Variants in SPG11 observed in about 807,000 individuals in gnomAD.
SPG11 encodes the protein spatacsin.
Under a neutral mutation model 274.0 loss-of-function variants are expected in SPG11, and 222 were observed. The observed-to-expected ratio is 0.81, with a 90% CI of 0.73 to 0.91. The LOEUF is 0.91. SPG11 is among the 40% of genes least tolerant of loss of function. The pLI, the probability that SPG11 is intolerant of heterozygous loss-of-function variation, is 0.00. For synonymous variants in SPG11, 1,144 were observed against 1,039.7 expected, an observed-to-expected ratio of 1.10 and a Z score of -1.93; for missense variants, 3,114 against 2,872.7, an observed-to-expected ratio of 1.08 and a Z score of -1.92.
In SPG11 at chr15:44,621,912, A is replaced by G; in HGVS notation, c.2467T>C (p.Phe823Leu). The stretch of plus-strand genomic sequence containing the variant: ...TCCAAAACAGACTTGTGCTTGAAAA[A>G]ATCTTGTTCCTTTATCCAGTACCTA... The part of the protein sequence containing the change: ...FPRYWIKEQD[F>L]FKHKSVLDSF... The change falls in exon 14 of 40, where the codon TTT becomes CTT. Residue 823 changes from phenylalanine (F) to leucine (L), a missense_variant. Physicochemically the swap from Phe to Leu is conservative, Grantham distance 22. Transcript: ENST00000261866. The G allele has an allele frequency of 6.2e-7, 1 of 1,613,690 alleles. No homozygotes were observed. The highest frequency in any genetic ancestry group is 8.5e-7 in the Non-Finnish European group (1 of 1,179,856).
chr15:44,663,080 A>G (rs2141136897), intron 1 of SPG11, among the ~76,000 whole-genome samples: 1 of 152,386 alleles, frequency 6.6e-6, no homozygotes, highest in African/African-American at 2.4e-5. Flanking sequence ...TGTGTTGAAT[A>G]ATGAAAGAAT....
At chr15:44,570,896 G>A (rs915175867) in intron 33 of SPG11, among the ~76,000 whole-genome samples, 1 of 152,130 alleles carries the variant, frequency 6.6e-6, no homozygotes, top group Non-Finnish European at 1.5e-5. Flanking sequence ...TGTAGTGACT[G>A]TTTCCCCAAA....
chr15:44,592,630 C>A (rs770089065), intron 26 of SPG11, among the ~76,000 whole-genome samples, 192 bp from the exon 27 acceptor site: 11 of 151,990 alleles, frequency 7.2e-5, no homozygotes, highest in Non-Finnish European at 1.5e-4. Flanking sequence ...ACCACCCTGG[C>A]CAACATGATG....
chr15:44,622,134 T>A, intron 13 of SPG11, 86 bp downstream of exon 13: 7 of 1,463,826 alleles, frequency 4.8e-6, no homozygotes, highest in Non-Finnish European at 5.7e-6. Flanking sequence ...CAGTTCCACA[T>A]AAGAAACTTG....
intron 20 of SPG11, among the ~76,000 whole-genome samples, chr15:44,603,659 A>G (rs1316175492): frequency 6.6e-6 from 1 of 152,212 alleles, no homozygotes; most frequent in African/African-American, 2.4e-5. Context: ...CTTGGTATCC[A>G]TGGGGGATTG....
chr15:44,628,957 C>T, intron 9 of SPG11, 113 bp from the exon 10 acceptor site: 1 of 1,094,886 alleles, frequency 9.1e-7, no homozygotes, highest in South Asian at 1.3e-5. Context: ...TTTTAAATTT[C>T]AAACAATATG....
intron 37 of SPG11, 90 bp from the exon 38 acceptor site, chr15:44,566,099 TC>T (rs2082303096): frequency 6.3e-7 from 1 of 1,595,786 alleles, no homozygotes. Flanking sequence ...CCCCTTCTGT[TC>T]CTGGTTGGCC....
chr15:44,655,791 T>C (rs1262838096), intron 4 of SPG11, among the ~76,000 whole-genome samples: 3 of 152,210 alleles, frequency 2.0e-5, no homozygotes, highest in Non-Finnish European at 2.9e-5. Context: ...AAGGGTCAAC[T>C]GTACTGTTTT....
At position 44,600,229 on chromosome 15, in the gene SPG11, T is replaced by C. The variant is rs574481738; in HGVS notation, c.3686+238A>G. On this transcript the variant is annotated intron_variant, in intron 21 of 39. Coordinates refer to ENST00000261866, the MANE Select transcript of SPG11 (RefSeq NM_025137.4). ...GGTATGTTTCCAGTATGTTTTTCAA[T>C]GTACATGTAAAACATTATACAGATA... 11 of 460,774 alleles carry C rather than the reference T, an allele frequency of 2.4e-5. No homozygotes were observed. In the East Asian group the frequency reaches 3.6e-4, roughly 15 times the overall value. The allele number at this position is 460,774 out of a possible 1,614,324, so 28.5% of individuals were successfully genotyped here. A position where few individuals can be genotyped will look rare whatever the true frequency, so the allele number is the denominator to read the frequency against.
At position 44,629,150 on chromosome 15, in the gene SPG11, T is replaced by C. The variant is rs185166845; in HGVS notation, c.1891+83A>G. 2,011 of 1,473,588 alleles carry C rather than the reference T, an allele frequency of 1.4e-3. 3 individuals carry two copies. Among genetic ancestry groups the C allele is most frequent in the Non-Finnish European group, 1.7e-3 (1,779 of 1,053,166 alleles). 91.3% of individuals were successfully genotyped at this position (1,473,588 alleles called of 1,614,324 possible). A position where few individuals can be genotyped will look rare whatever the true frequency, so the allele number is the denominator to read the frequency against. On this transcript the variant is annotated intron_variant, in intron 9 of 39. Transcript: ENST00000261866. ...TAGTAAATGGCGTGCCACTGGTTTA[T>C]GCTGTGTCACCCAATAGCAGCACTT... is the stretch of plus-strand genomic sequence containing the variant.
intron 7 of SPG11, 81 bp from the exon 8 acceptor site, chr15:44,633,718 T>C (rs2084152446): frequency 1.4e-5 from 21 of 1,471,172 alleles, no homozygotes; most frequent in Non-Finnish European, 2.0e-5. Context: ...TAAACAAACT[T>C]TAGAATTTAA....
chr15:44,659,022 C>T (rs1173396359), intron 3 of SPG11, 57 bp downstream of exon 3: 2 of 1,549,418 alleles, frequency 1.3e-6, no homozygotes, highest in Non-Finnish European at 1.8e-6. Flanking sequence ...AAAGGCTCAT[C>T]TTTATAGGTG....
chr15:44,563,194 A>AACTT lies in SPG11; in HGVS notation c.7255_7258dup (p.Phe2420Ter), dbSNP rs747989176. ...CAGAAGCACATTTACAATTTCATAAAACTTGTGTTCGTATGCCAACTTGTA... is the reference window on the plus strand; with the variant it reads ...CAGAAGCACATTTACAATTTCATAAAACTTACTTGTGTTCGTATGCCAACTTGTA... On this transcript the variant is annotated stop_gained and frameshift_variant, in exon 40 of 40. Transcript: ENST00000261866. LOFTEE classifies it high-confidence loss of function. The AACTT allele has an allele frequency of 6.2e-7, 1 of 1,614,208 alleles. No homozygotes were observed.
Position 44,598,425 on chromosome 15 carries a change from G to GAGC in SPG11, c.3893-55_3893-53dup, listed in dbSNP as rs1293736624. ...TGGTGAAGAGAAAAAGTCAAAACCT[G>GAGC]AGCATTTCTGTTTGAATAGTGTGGC... On this transcript the variant is annotated intron_variant, in intron 22 of 39. Transcript: ENST00000261866. The GAGC allele has an allele frequency of 6.5e-6, 10 of 1,535,570 alleles. 1 individual carries two copies.
At chr15:44,588,389 A>G (rs2082821718) in intron 28 of SPG11, among the ~76,000 whole-genome samples, 1 of 152,018 alleles carries the variant, frequency 6.6e-6, no homozygotes. Context: ...ACCCTGAGCA[A>G]TGCTAAGGTT....
At chr15:44,622,119 A>G in intron 13 of SPG11, 101 bp downstream of exon 13, 1 of 1,354,526 alleles carries the variant, frequency 7.4e-7, no homozygotes, top group Non-Finnish European at 1.0e-6. Flanking sequence ...AGGAGAATGC[A>G]GGCTCAGTTC....
At chr15:44,597,964 T>C (rs1331500292) in intron 23 of SPG11, among the ~76,000 whole-genome samples, 1 of 152,242 alleles carries the variant, frequency 6.6e-6, no homozygotes, top group African/African-American at 2.4e-5. Flanking sequence ...CATTTCAACA[T>C]GTACCATTTA....
chr15:44,654,980 A>G (rs1429384928), intron 4 of SPG11, among the ~76,000 whole-genome samples: 2 of 152,370 alleles, frequency 1.3e-5, no homozygotes, highest in African/African-American at 4.8e-5. Flanking sequence ...AATTAGCTGT[A>G]GTATATACTG....
intron 1 of SPG11, 76 bp from the exon 2 acceptor site, chr15:44,660,692 T>C (rs1251485468): frequency 7.2e-6 from 10 of 1,388,938 alleles, no homozygotes; most frequent in South Asian, 3.5e-5. Flanking sequence ...GGTAGAAGGG[T>C]TGAATAAGTA....
Sources: gnomAD v4.1 joint callset for allele counts (sites outside exome capture counted in the v4.1 genomes callset) on GRCh38, gnomAD v4.1.1 for gene constraint, MANE v1.5 for transcripts, NCBI Gene and HGNC (gene_info 2026-07-23, HGNC 2026-07-21) for gene names.